The following PAN3 variants were observed in gnomAD, a reference collection of about 807,000 sequenced individuals.
PAN3 encodes the protein PAN2-PAN3 deadenylation complex subunit PAN3.
Under a neutral mutation model 96.2 loss-of-function variants are expected in PAN3, and 19 were observed. The ratio of observed to expected loss-of-function variants is 0.20; its 90% confidence interval spans 0.14 to 0.29. PAN3 has a LOEUF of 0.29. Among genes scored for constraint, PAN3 ranks in the 10% least tolerant of loss-of-function variants. The pLI is 1.00. For synonymous variants in PAN3, 433 were observed against 406.6 expected (o/e 1.06, Z -0.78); for missense variants, 882 against 1,108.1 (o/e 0.80, Z 2.90).
intron 16 of PAN3, 100 bp from the exon 17 acceptor site, chr13:28,281,215 A>T (rs1405078081): frequency 1.2e-6 from 1 of 805,808 alleles, no homozygotes; most frequent in African/African-American, 1.7e-5. Flanking sequence ...TTATTGTTTA[A>T]AGGTAATATT....
chr13:28,280,346 T>A, intron 15 of PAN3, 66 bp from the exon 16 acceptor site: 1 of 1,516,544 alleles, frequency 6.6e-7, no homozygotes, highest in Admixed American at 2.1e-5. Flanking sequence ...ACAGCTATGT[T>A]TGGGTTATCT....
intron 4 of PAN3, among the ~76,000 whole-genome samples, chr13:28,189,529 CA>C (rs1337843866): frequency 7.2e-6 from 1 of 138,084 alleles, no homozygotes; most frequent in Non-Finnish European, 1.6e-5. Context: ...AACAAAAAAA[CA>C]AAACAAAACA....
At chr13:28,191,315 T>G (rs1877230870) in intron 4 of PAN3, among the ~76,000 whole-genome samples, 1 of 152,226 alleles carries the variant, frequency 6.6e-6, no homozygotes, top group African/African-American at 2.4e-5. Flanking sequence ...CAAGTAAGCT[T>G]TCACTAGTTC....
At chr13:28,200,263 ACT>A (rs45500392) in intron 5 of PAN3, among the ~76,000 whole-genome samples, 2,862 of 152,224 alleles carry the variant, frequency 0.019, 97 homozygotes, top group African/African-American at 0.065. Context: ...CTTACGTATG[ACT>A]CTGCAGCATG....
At chr13:28,142,036 C>T (rs1869920828) in intron 1 of PAN3, among the ~76,000 whole-genome samples, 2 of 152,180 alleles carry the variant, frequency 1.3e-5, no homozygotes, top group Non-Finnish European at 2.9e-5. Flanking sequence ...TATTTAGATT[C>T]TGTGGTGTTT....
At chr13:28,145,907 C>T (rs1870565419) in intron 1 of PAN3, among the ~76,000 whole-genome samples, 1 of 148,202 alleles carries the variant, frequency 6.7e-6, no homozygotes, top group Admixed American at 6.7e-5. Flanking sequence ...GCTAGGATTA[C>T]AGGCTTGCGC....
chr13:28,168,735 G>T (rs1027570226), intron 1 of PAN3, among the ~76,000 whole-genome samples: 1 of 151,368 alleles, frequency 6.6e-6, no homozygotes. Flanking sequence ...GAAGTGTATT[G>T]TGGCTGGATG....
chr13:28,176,651 G>T, intron 3 of PAN3, 92 bp downstream of exon 3: 2 of 1,212,742 alleles, frequency 1.6e-6, no homozygotes, highest in Admixed American at 4.1e-5. Context: ...TTTGAAAATT[G>T]TAAACGGGCA....
At chr13:28,147,030 G>T (rs1194769646) in intron 1 of PAN3, among the ~76,000 whole-genome samples, 1 of 151,988 alleles carries the variant, frequency 6.6e-6, no homozygotes, top group Non-Finnish European at 1.5e-5. Flanking sequence ...TAAAAATATA[G>T]TGTTACAGTT....
chr13:28,177,849 G>T lies in PAN3; in HGVS notation c.620-16G>T. ...CCAAGTTTTATGTGTGGAAACTTAC[G>T]TAACTTACCTTTCAGATCCTCTAAC... is the stretch of plus-strand genomic sequence containing the variant. On this transcript the variant is annotated splice_polypyrimidine_tract_variant and intron_variant, in intron 3 of 18. Coordinates refer to ENST00000380958, the MANE Select transcript of PAN3 (RefSeq NM_175854.8). The T allele has an allele frequency of 6.2e-7, 1 of 1,607,962 alleles. No homozygotes were observed. Among genetic ancestry groups the T allele is most frequent in the Non-Finnish European group, 8.5e-7 (1 of 1,175,024 alleles).
chr13:28,170,670 G>C (rs1032430657), intron 1 of PAN3, among the ~76,000 whole-genome samples: 1 of 152,176 alleles, frequency 6.6e-6, no homozygotes, highest in Non-Finnish European at 1.5e-5. Flanking sequence ...AAGAGTAGAT[G>C]CCTTAAGGAA....
chr13:28,159,292 T>C (rs1872612891), intron 1 of PAN3, among the ~76,000 whole-genome samples: 1 of 152,154 alleles, frequency 6.6e-6, no homozygotes, highest in Admixed American at 6.5e-5. Flanking sequence ...CAGGATAATG[T>C]CCTTTGCAGC....
rs183127744 is a variant in PAN3, at chr13:28,228,052, G to A, written c.1000+7674G>A. Among the ~76,000 whole-genome samples, 10 of 152,316 alleles carry A rather than the reference G, an allele frequency of 6.6e-5. 1 individual carries two copies. Among genetic ancestry groups the A allele is most frequent in the Admixed American group, 6.5e-4 (10 of 15,296 alleles). ...ACCTTCTTCTTTAGTCAAGTAGGTT[G>A]AGAGCACCAGGGATCATTTTTTCTT... On this transcript the variant is annotated intron_variant, in intron 6 of 18. Coordinates refer to ENST00000380958, the MANE Select transcript of PAN3 (RefSeq NM_175854.8).
intron 6 of PAN3, among the ~76,000 whole-genome samples, chr13:28,247,538 G>GT (rs1436315029): frequency 6.6e-6 from 1 of 151,976 alleles, no homozygotes; most frequent in Non-Finnish European, 1.5e-5. Flanking sequence ...CTTTCCCAAT[G>GT]TTTTTTTCCT....
At chr13:28,144,203 GTTTTTTTGT>G (rs1241110827) in intron 1 of PAN3, among the ~76,000 whole-genome samples, 4 of 128,980 alleles carry the variant, frequency 3.1e-5, no homozygotes, top group African/African-American at 9.1e-5. Flanking sequence ...GTTTCGATAA[GTTTTTTTGT>G]TTTTTTTTTT....
intron 13 of PAN3, among the ~76,000 whole-genome samples, 199 bp from the exon 14 acceptor site, chr13:28,271,782 G>T (rs750979721): frequency 3.3e-5 from 5 of 152,170 alleles, no homozygotes; most frequent in African/African-American, 4.8e-5. Flanking sequence ...ACAGCTGTAG[G>T]TATATCACTT....
At chr13:28,212,641 T>C (rs1020645988) in intron 5 of PAN3, among the ~76,000 whole-genome samples, 1 of 152,190 alleles carries the variant, frequency 6.6e-6, no homozygotes, top group South Asian at 2.1e-4. Context: ...GTGAAACATA[T>C]ATACATAGAT....
intron 6 of PAN3, among the ~76,000 whole-genome samples, chr13:28,242,865 T>C (rs1883811376): frequency 6.6e-6 from 1 of 152,236 alleles, no homozygotes; most frequent in Non-Finnish European, 1.5e-5. Context: ...TAATTATTCA[T>C]GTTTAGGTCT....
chr13:28,160,284 A>G (rs1872738059), intron 1 of PAN3, among the ~76,000 whole-genome samples: 1 of 152,082 alleles, frequency 6.6e-6, no homozygotes, highest in Non-Finnish European at 1.5e-5. Flanking sequence ...GGCTTTTTTG[A>G]CTTCTAAGGA....
Sources: allele counts gnomAD v4.1 joint callset (sites outside exome capture counted in the v4.1 genomes callset), GRCh38; gene constraint gnomAD v4.1.1; transcripts MANE v1.5; gene names NCBI Gene and HGNC (gene_info 2026-07-23, HGNC 2026-07-21).